Variants in CCDC9 observed in about 807,000 individuals in gnomAD.
The protein encoded by CCDC9 is coiled-coil domain-containing protein 9.
Under a neutral mutation model 65.6 loss-of-function variants are expected in CCDC9, and 52 were observed. That is an observed-to-expected ratio of 0.79 (90% CI 0.63 to 1.00). The LOEUF (loss-of-function observed/expected upper bound fraction) is 1.00. Among genes scored for constraint, CCDC9 ranks in the 50% least tolerant of loss-of-function variants. CCDC9 has a pLI of 0.00. For synonymous variants in CCDC9, 332 were observed against 280.3 expected (o/e 1.18, Z -1.84); for missense variants, 834 against 757.2 (o/e 1.10, Z -1.19).
downstream of CCDC9, chr19:47,273,303 G>T (rs544198276): frequency 1.2e-5 from 13 of 1,091,566 alleles, no homozygotes; most frequent in South Asian, 4.2e-4. Flanking sequence ...GCTGGGCCGG[G>T]GGGGAGGTGG....
downstream of CCDC9, chr19:47,275,036 C>T (rs1451452214): frequency 2.0e-6 from 3 of 1,489,944 alleles, no homozygotes; most frequent in African/African-American, 1.5e-5. Flanking sequence ...ACTTCCTCTG[C>T]GTCTCGCTAG....
rs768811346 is a variant in CCDC9, at chr19:47,260,586, A to G, written c.211-2A>G. The G allele has an allele frequency of 7.8e-6, 12 of 1,531,406 alleles. No individual in the cohort carries two copies. The highest frequency in any genetic ancestry group is 9.6e-6 in the Non-Finnish European group (11 of 1,147,116). The allele number at this position is 1,531,406 out of a possible 1,614,324, so 94.9% of individuals were successfully genotyped here. A position where few individuals can be genotyped will look rare whatever the true frequency, so the allele number is the denominator to read the frequency against. ...GTATTTTCCCCATCTCCCCTCTTCC[A>G]GGAGAAGAACCTGGGTCCTTCCCGG... On this transcript the variant is annotated splice_acceptor_variant, in intron 4 of 11. Transcript: ENST00000221922. LOFTEE classifies it high-confidence loss of function.
At chr19:47,265,029 A>G (rs2059072070) in intron 7 of CCDC9, 83 bp downstream of exon 7, 2 of 1,172,958 alleles carry the variant, frequency 1.7e-6, no homozygotes, top group African/African-American at 1.6e-5. Context: ...GATCAGGGCC[A>G]TGGGGCCTCT....
rs770351779 is a variant in CCDC9, at chr19:47,264,654, G to C, written c.514G>C (p.Glu172Gln). The C allele has an allele frequency of 1.2e-6, 2 of 1,605,262 alleles. No individual in the cohort carries two copies. The highest frequency in any genetic ancestry group is 4.5e-5 in the East Asian group (2 of 44,474). The change falls in exon 6 of 12, where the codon GAG (glutamate) becomes CAG (glutamine). Residue 172 changes from glutamate (E) to glutamine (Q), a missense_variant. Coordinates refer to ENST00000221922, the MANE Select transcript of CCDC9 (RefSeq NM_015603.3). The part of the protein sequence containing the change: ...QNIEKMNEEM[E>Q]KIAEYERNQR... Reference sequence around the variant, plus strand: ...CATTGAGAAGATGAATGAGGAGATGGAGAAGATCGCCGAGTATGAGCGCAA... The same window carrying C: ...CATTGAGAAGATGAATGAGGAGATGCAGAAGATCGCCGAGTATGAGCGCAA...
intron 5 of CCDC9, among the ~76,000 whole-genome samples, chr19:47,263,209 A>G (rs1219736651): frequency 6.6e-6 from 1 of 152,084 alleles, no homozygotes; most frequent in African/African-American, 2.4e-5. Context: ...AATTACTGTT[A>G]TTACCACCAC....
downstream of CCDC9, chr19:47,275,665 C>T: frequency 7.2e-6 from 3 of 417,304 alleles, no homozygotes; most frequent in Non-Finnish European, 8.9e-6. Flanking sequence ...GAATCCGTGT[C>T]CATCTGCAAT....
chr19:47,269,617 C>G (rs773838905), intron 8 of CCDC9, among the ~76,000 whole-genome samples: 1 of 152,148 alleles, frequency 6.6e-6, no homozygotes, highest in South Asian at 2.1e-4. Flanking sequence ...GGATTACAGG[C>G]GTGAGCCACC....
chr19:47,263,874 A>G lies in CCDC9; in HGVS notation c.463-729A>G, dbSNP rs370190740. 1.4e-4 allele frequency among the ~76,000 whole-genome samples: 19 copies of G among 133,698 alleles called. 1 individual carries two copies. The South Asian group carries it at 4.2e-3, about 30-fold the overall frequency. 87.7% of individuals were successfully genotyped at this position (133,698 alleles called of 152,430 possible). On this transcript the variant is annotated intron_variant, in intron 5 of 11. Coordinates refer to ENST00000221922, the MANE Select transcript of CCDC9 (RefSeq NM_015603.3). ...CCACTGTGCCCGACCCGTTATTTTT[A>G]TTTTTATTTTATTTTATTTTTTGAG...
chr19:47,272,806 C>T (rs889596412), downstream of CCDC9, among the ~76,000 whole-genome samples: 1 of 152,144 alleles, frequency 6.6e-6, no homozygotes, highest in African/African-American at 2.4e-5. Flanking sequence ...ACCCGATCAG[C>T]ATTTTGGGAC....
At chr19:47,267,032 T>G (rs1232786682) in intron 8 of CCDC9, among the ~76,000 whole-genome samples, 1 of 151,316 alleles carries the variant, frequency 6.6e-6, no homozygotes, top group African/African-American at 2.4e-5. Flanking sequence ...TGGCGTGATC[T>G]CGGCTCACCG....
At chr19:47,273,605 A>G (rs1034900538), downstream of CCDC9, 14 of 399,540 alleles carry the variant, frequency 3.5e-5, no homozygotes, top group South Asian at 1.5e-3. Flanking sequence ...GGGCGGGGCC[A>G]GGGCAGTAGT....
chr19:47,273,513 C>G (rs976808714), downstream of CCDC9: 11 of 533,514 alleles, frequency 2.1e-5, no homozygotes, highest in Non-Finnish European at 5.7e-6. Flanking sequence ...CCCACCGCCT[C>G]GCTCCTCTGT....
At position 47,264,917 on chromosome 19, in the gene CCDC9, G is replaced by T; in HGVS notation, c.691G>T (p.Val231Leu). ...RNWGGPDFERVRCGLEHERQG... is the reference protein window; with the variant it reads ...RNWGGPDFERLRCGLEHERQG... ...CTGGGGGGGCCCCGACTTCGAGCGG[G>T]TGCGCTGTGGCCTTGAGCACGAGCG... Residue 231 changes from valine to leucine, a missense_variant, in exon 7 of 12, where the codon GTG becomes TTG. Physicochemically the swap from Val to Leu is conservative, Grantham distance 32. Coordinates refer to ENST00000221922, the MANE Select transcript of CCDC9 (RefSeq NM_015603.3). The T allele has an allele frequency of 6.8e-7, 1 of 1,460,358 alleles. No individual in the cohort carries two copies. The highest frequency in any genetic ancestry group is 9.0e-7 in the Non-Finnish European group (1 of 1,109,926). 90.5% of individuals were successfully genotyped at this position (1,460,358 alleles called of 1,614,324 possible).
chr19:47,267,165 C>T (rs1012292969), intron 8 of CCDC9, among the ~76,000 whole-genome samples: 8 of 152,092 alleles, frequency 5.3e-5, no homozygotes, highest in South Asian at 2.1e-4. Context: ...AGGGTTTCAC[C>T]GTGTTAGCCA....
At position 47,260,518 on chromosome 19, in the gene CCDC9, G is replaced by A. The variant is rs1039902071; in HGVS notation, c.211-70G>A. 37 of 1,587,552 alleles carry A rather than the reference G, an allele frequency of 2.3e-5. No homozygotes were observed. The African/African-American group carries it at 3.0e-4, about 13-fold the overall frequency. ...AGCCCCCAGCTGTCCTGCACCAGTG[G>A]GTGGCCTCCATCCTGGCCGCATGCC... On this transcript the variant is annotated intron_variant, in intron 4 of 11. Transcript: ENST00000221922.
At chr19:47,256,964 T>C (rs1226627756) in intron 1 of CCDC9, among the ~76,000 whole-genome samples, 1 of 142,188 alleles carries the variant, frequency 7.0e-6, no homozygotes, top group Non-Finnish European at 1.5e-5. Flanking sequence ...TGGAAGTGGG[T>C]CCAGATTCTT....
At position 47,271,726 on chromosome 19, in the gene CCDC9, TGTGTGTGCGCGCGC is replaced by T. The variant is rs60415603; in HGVS notation, c.*50_*63del. 2.9e-3 allele frequency: 3,324 copies of T among 1,138,462 alleles called. 34 individuals carry two copies. In the African/African-American group the frequency reaches 0.057, roughly 20 times the overall value. 70.5% of individuals were successfully genotyped at this position (1,138,462 alleles called of 1,614,324 possible). On this transcript the variant is annotated 3_prime_UTR_variant, in exon 12 of 12. Transcript: ENST00000221922. ...GTGTGTGTGTGTGTGTGTGTGTGTG[TGTGTGTGCGCGCGC>T]GCGCGCGCGCGCGCGCGCGCTAGAG...
intron 8 of CCDC9, among the ~76,000 whole-genome samples, chr19:47,268,068 T>C (rs2059094101): frequency 6.6e-6 from 1 of 152,012 alleles, no homozygotes; most frequent in Non-Finnish European, 1.5e-5. Context: ...TGGCTGGTCT[T>C]GAACTCCTGA....
chr19:47,270,616 A>G lies in CCDC9; in HGVS notation c.1013A>G (p.Lys338Arg), dbSNP rs571729241. The change falls in exon 10 of 12, where the codon AAA (lysine) becomes AGA (arginine). Residue 338 changes from lysine (K) to arginine (R), a missense_variant. By Grantham distance (26) the Lys-to-Arg change is conservative (BLOSUM62 2). Transcript: ENST00000221922. ...PTFGEFLSQHKAEASSRRRRK... is the reference protein window; with the variant it reads ...PTFGEFLSQHRAEASSRRRRK... ...TTTGGGGAGTTCCTGTCCCAGCACA[A>G]AGCTGAGGCCAGCAGCCGCAGAAGG... The G allele has an allele frequency of 6.7e-5, 108 of 1,613,390 alleles. 1 individual carries two copies. In the South Asian group the frequency reaches 1.1e-3, roughly 17 times the overall value.
Sources: allele counts gnomAD v4.1 joint callset (sites outside exome capture counted in the v4.1 genomes callset), GRCh38; gene constraint gnomAD v4.1.1; transcripts MANE v1.5; gene names NCBI Gene and HGNC (gene_info 2026-07-23, HGNC 2026-07-21).